KAT7: variants seen among roughly 807,000 people sequenced by gnomAD.
KAT7 encodes the protein histone acetyltransferase KAT7.
Under a neutral mutation model 82.1 loss-of-function variants are expected in KAT7, and 10 were observed. The observed-to-expected ratio is 0.12, with a 90% CI of 0.08 to 0.21. The LOEUF is 0.21. KAT7 is among the 10% of genes least tolerant of loss of function. KAT7 has a pLI of 1.00. For missense variants in KAT7, 378 were observed against 760.9 expected (o/e 0.50, Z 5.92); for synonymous variants, 250 against 262.5 (o/e 0.95, Z 0.46).
chr17:49,796,960 A>G, intron 3 of KAT7, 34 bp downstream of exon 3: 1 of 1,585,044 alleles, frequency 6.3e-7, no homozygotes, highest in South Asian at 1.1e-5. Context: ...GACCTATTAC[A>G]GAGCATCTGG....
At chr17:49,801,012 A>G (rs2143878456) in intron 4 of KAT7, among the ~76,000 whole-genome samples, 1 of 152,272 alleles carries the variant, frequency 6.6e-6, no homozygotes, top group Non-Finnish European at 1.5e-5. Flanking sequence ...AACCAGTTTG[A>G]GGAACACTTA....
intron 6 of KAT7, among the ~76,000 whole-genome samples, chr17:49,809,932 T>C (rs1481380742): frequency 1.3e-5 from 2 of 152,222 alleles, no homozygotes; most frequent in East Asian, 3.8e-4. Context: ...TGACATATTA[T>C]ATTTTGTTCA....
At chr17:49,801,928 A>G (rs1253671537) in intron 4 of KAT7, among the ~76,000 whole-genome samples, 1 of 152,238 alleles carries the variant, frequency 6.6e-6, no homozygotes, top group African/African-American at 2.4e-5. Flanking sequence ...CACAGATACA[A>G]AACTTCTGTT....
At position 49,796,742 on chromosome 17, in the gene KAT7, G is replaced by T; in HGVS notation, c.164-8G>T. The T allele has an allele frequency of 6.5e-7, 1 of 1,530,634 alleles. No individual in the cohort carries two copies. The allele number at this position is 1,530,634 out of a possible 1,614,324, so 94.8% of individuals were successfully genotyped here. ...TTTTTCTTTATTTTCTTTTAAAATT[G>T]GGATCAGATTCCAGTCCTGTTCGAA... On this transcript the variant is annotated splice_polypyrimidine_tract_variant and splice_region_variant and intron_variant, in intron 2 of 14. Coordinates refer to ENST00000259021, the MANE Select transcript of KAT7 (RefSeq NM_007067.5).
chr17:49,806,582 A>C (rs1446827172), intron 5 of KAT7, among the ~76,000 whole-genome samples: 1 of 152,180 alleles, frequency 6.6e-6, no homozygotes, highest in Non-Finnish European at 1.5e-5. Context: ...CTTTCTCAGA[A>C]AATAACTGCG....
chr17:49,798,594 T>C (rs193148330), intron 4 of KAT7, 36 bp downstream of exon 4: 2 of 1,560,916 alleles, frequency 1.3e-6, no homozygotes, highest in East Asian at 4.5e-5. Flanking sequence ...TCCTTTGTTC[T>C]GTGGTTCTCT....
Position 49,824,483 on chromosome 17 carries a change from AC to A in KAT7, c.1480+1189del, listed in dbSNP as rs2074344002. On this transcript the variant is annotated intron_variant, in intron 12 of 14. Coordinates refer to ENST00000259021, the MANE Select transcript of KAT7 (RefSeq NM_007067.5). Reference sequence around the variant, plus strand: ...CAGGCAATTCTACTGCCTCAGCCTCACGAGTAGCTGGGATTACAGGCATGTG... The same window carrying A: ...CAGGCAATTCTACTGCCTCAGCCTCAGAGTAGCTGGGATTACAGGCATGTG... 5 of 152,164 alleles carry A rather than the reference AC, an allele frequency of 3.3e-5. No individual in the cohort carries two copies. In the South Asian group the frequency reaches 8.3e-4, roughly 25 times the overall value. 9.4% of individuals were successfully genotyped at this position (152,164 alleles called of 1,614,324 possible). A position where few individuals can be genotyped will look rare whatever the true frequency, so the allele number is the denominator to read the frequency against.
chr17:49,818,849 C>T (rs2074266912), intron 9 of KAT7, among the ~76,000 whole-genome samples: 1 of 151,992 alleles, frequency 6.6e-6, no homozygotes, highest in Non-Finnish European at 1.5e-5. Flanking sequence ...AACGATTCTC[C>T]TGCCTCAGCC....
intron 12 of KAT7, chr17:49,823,525 G>T: frequency 2.3e-6 from 1 of 440,256 alleles, no homozygotes; most frequent in South Asian, 2.7e-5. Context: ...TACAGAGGAT[G>T]ATAAAGTAAG....
At chr17:49,809,481 C>A (rs2074134766) in intron 6 of KAT7, among the ~76,000 whole-genome samples, 1 of 152,186 alleles carries the variant, frequency 6.6e-6, no homozygotes, top group South Asian at 2.1e-4. Flanking sequence ...ATTACACTTG[C>A]TGCTTCATTT....
rs200387456 is a variant in KAT7, at chr17:49,818,020, T to C, written c.1155+9T>C. 1.4e-4 allele frequency: 219 copies of C among 1,611,494 alleles called. No individual in the cohort carries two copies. Among genetic ancestry groups the C allele is most frequent in the Non-Finnish European group, 1.7e-4 (200 of 1,177,852 alleles). On this transcript the variant is annotated intron_variant, in intron 9 of 14. Coordinates refer to ENST00000259021, the MANE Select transcript of KAT7 (RefSeq NM_007067.5). ...TACTCCGCCGGCACATGGTGAGTTG[T>C]CTTGGGTTCCTCTGCCTTGACCATG...
At chr17:49,794,433 G>A (rs958211570) in intron 2 of KAT7, among the ~76,000 whole-genome samples, 1 of 152,186 alleles carries the variant, frequency 6.6e-6, no homozygotes, top group Admixed American at 6.5e-5. Flanking sequence ...TTACAGGCGA[G>A]CACCACCATA....
chr17:49,824,274 C>T lies in KAT7; in HGVS notation c.1480+979C>T, dbSNP rs139684511. ...TAACAAGACTCTACTGTGTGTTATT[C>T]TATATTTGATGTCCACTGTCATAGG... On this transcript the variant is annotated intron_variant, in intron 12 of 14. Coordinates refer to ENST00000259021, the MANE Select transcript of KAT7 (RefSeq NM_007067.5). 1.5e-3 allele frequency among the ~76,000 whole-genome samples: 235 copies of T among 152,272 alleles called. 1 individual carries two copies. The highest frequency in any genetic ancestry group is 5.6e-3 in the African/African-American group (232 of 41,544).
chr17:49,815,708 A>G (rs1450611559), intron 7 of KAT7, 95 bp from the exon 8 acceptor site: 2 of 776,408 alleles, frequency 2.6e-6, no homozygotes, highest in Admixed American at 3.8e-5. Flanking sequence ...TAAATAGCTT[A>G]TGGTTGTGTG....
chr17:49,813,077 C>T (rs1054012025), intron 7 of KAT7, among the ~76,000 whole-genome samples: 3 of 138,158 alleles, frequency 2.2e-5, no homozygotes, highest in Non-Finnish European at 1.5e-5. Context: ...AGGTTTGTTA[C>T]ATAGATCTAT....
Position 49,817,820 on chromosome 17 carries a change from G to A in KAT7, c.964G>A (p.Glu322Lys). The change falls in exon 9 of 15, where the codon GAG (glutamate) becomes AAG (lysine). Residue 322 changes from glutamate to lysine, a missense_variant and splice_region_variant. Glu to Lys is a moderately conservative substitution (Grantham distance 56). Transcript: ENST00000259021. Reference protein sequence around the residue: ...RAQARASEDLEKLRLQGQITE... With the variant: ...RAQARASEDLKKLRLQGQITE... ...TTGACTTTTGATTTCTTGGCAATAG[G>A]AGAAGTTAAGGCTGCAAGGCCAAAT... is the stretch of plus-strand genomic sequence containing the variant. The A allele has an allele frequency of 6.2e-7, 1 of 1,611,056 alleles. No homozygotes were observed. Among genetic ancestry groups the A allele is most frequent in the East Asian group, 2.2e-5 (1 of 44,868 alleles).
intron 14 of KAT7, 135 bp from the exon 15 acceptor site, chr17:49,827,266 A>G: frequency 1.6e-6 from 1 of 623,006 alleles, no homozygotes; most frequent in Non-Finnish European, 2.9e-6. Context: ...AAGTCAAAAT[A>G]TAGTATTTTT....
chr17:49,818,493 G>C (rs2074260898), intron 9 of KAT7, among the ~76,000 whole-genome samples: 1 of 152,186 alleles, frequency 6.6e-6, no homozygotes, highest in Non-Finnish European at 1.5e-5. Flanking sequence ...GACAGATTAT[G>C]AAAGTAGCAG....
chr17:49,823,126 T>C (rs1482281610), intron 11 of KAT7, 76 bp from the exon 12 acceptor site: 12 of 832,662 alleles, frequency 1.4e-5, no homozygotes, highest in Admixed American at 7.2e-5. Flanking sequence ...GCAGCCTTAT[T>C]TTGCATCTGT....
Sources: allele counts gnomAD v4.1 joint callset (sites outside exome capture counted in the v4.1 genomes callset), GRCh38; gene constraint gnomAD v4.1.1; transcripts MANE v1.5; gene names NCBI Gene and HGNC (gene_info 2026-07-23, HGNC 2026-07-21).